The following HTR2C variants were observed in gnomAD, a reference collection of about 807,000 sequenced individuals.
The protein encoded by HTR2C is 5-hydroxytryptamine (serotonin) receptor 2C, G protein-coupled.
Under a neutral mutation model 21.0 loss-of-function variants are expected in HTR2C, and 5 were observed. That is an observed-to-expected ratio of 0.24 (90% confidence interval 0.12 to 0.50). The LOEUF is 0.50. Among genes scored for constraint, HTR2C ranks in the 20% least tolerant of loss-of-function variants. HTR2C has a pLI of 0.98. For missense variants in HTR2C, 271 were observed against 371.2 expected, an observed-to-expected ratio of 0.73 and a Z score of 2.22; for synonymous variants, 150 against 145.3, an observed-to-expected ratio of 1.03 and a Z score of -0.23.
intron 4 of HTR2C, among the ~76,000 whole-genome samples, chrX:114,798,139 C>A (rs947491277): frequency 9.0e-6 from 1 of 111,190 alleles, no homozygotes; most frequent in Non-Finnish European, 1.9e-5. Context: ...AAGACAATTA[C>A]TAGTTTATAC....
At chrX:114,767,690 AAT>A (rs1239258582) in intron 4 of HTR2C, among the ~76,000 whole-genome samples, 1 of 108,116 alleles carries the variant, frequency 9.2e-6, no homozygotes, top group Non-Finnish European at 1.9e-5. Flanking sequence ...AGGTATATAA[AAT>A]ATATATAATG....
intron 2 of HTR2C, chrX:114,639,492 G>T (rs1469530725): frequency 8.8e-6 from 1 of 113,013 alleles, no homozygotes; most frequent in Non-Finnish European, 1.9e-5. Context: ...GCAGGGAGGA[G>T]GCCATAGTGG....
chrX:114,633,798 T>G (rs782678002), intron 2 of HTR2C, among the ~76,000 whole-genome samples: 5 of 109,590 alleles, frequency 4.6e-5, no homozygotes, highest in African/African-American at 1.7e-4. Flanking sequence ...CACATATATG[T>G]GTGAATGTAC....
rs1314187105 is a variant in HTR2C at position 114,701,824 on chromosome X, C to T, written c.-79-25034C>T. 2.5e-4 allele frequency among the ~76,000 whole-genome samples: 28 copies of T among 111,349 alleles called. No individual in the cohort carries two copies. In the South Asian group the frequency reaches 2.6e-3, roughly 10 times the overall value. On this transcript the variant is annotated intron_variant, in intron 2 of 5. Coordinates refer to ENST00000276198, the MANE Select transcript of HTR2C (RefSeq NM_000868.4). ...TTAAAAACTTTGAAAAAAATTTAGACGAATGTATAACTAGAATAACCAATA... is the reference window on the plus strand; with the variant it reads ...TTAAAAACTTTGAAAAAAATTTAGATGAATGTATAACTAGAATAACCAATA...
chrX:114,649,986 A>G (rs1471119424), intron 2 of HTR2C, among the ~76,000 whole-genome samples: 2 of 111,827 alleles, frequency 1.8e-5, no homozygotes, highest in African/African-American at 6.5e-5. Flanking sequence ...GGTGAGGAGT[A>G]GGAAACATAG....
At chrX:114,705,822 TA>T (rs1433329969) in intron 2 of HTR2C, among the ~76,000 whole-genome samples, 1 of 76,856 alleles carries the variant, frequency 1.3e-5, no homozygotes, top group Non-Finnish European at 2.5e-5. Context: ...GACAAAGGGC[TA>T]ATATCCAGAA....
intron 5 of HTR2C, among the ~76,000 whole-genome samples, chrX:114,884,163 A>G (rs2071203269): frequency 9.0e-6 from 1 of 110,892 alleles, no homozygotes; most frequent in Non-Finnish European, 1.9e-5. Context: ...CAGTTTATTT[A>G]TTCATTTATT....
At chrX:114,791,997 C>G (rs1288809707) in intron 4 of HTR2C, among the ~76,000 whole-genome samples, 1 of 111,935 alleles carries the variant, frequency 8.9e-6, no homozygotes, top group African/African-American at 3.2e-5. Context: ...GCATTCAAAA[C>G]TCACTGTTCC....
chrX:114,642,768 T>A (rs782482668), intron 2 of HTR2C, among the ~76,000 whole-genome samples: 1 of 109,598 alleles, frequency 9.1e-6, no homozygotes, highest in Non-Finnish European at 1.9e-5. Context: ...ATCTTGTAAT[T>A]TAGGGCAGTG....
intron 2 of HTR2C, among the ~76,000 whole-genome samples, chrX:114,667,310 G>A (rs959743310): frequency 1.8e-5 from 2 of 110,417 alleles, no homozygotes; most frequent in Non-Finnish European, 3.8e-5. Context: ...GTTTCCCTGA[G>A]ACATCAAAAA....
intron 1 of HTR2C, among the ~76,000 whole-genome samples, chrX:114,607,035 T>G (rs781861025): frequency 3.7e-5 from 4 of 107,047 alleles, no homozygotes; most frequent in African/African-American, 7.2e-5. Flanking sequence ...GCCAGGATGA[T>G]CCAGGAAAAG....
intron 4 of HTR2C, among the ~76,000 whole-genome samples, chrX:114,846,038 C>A (rs994628930): frequency 9.1e-6 from 1 of 110,289 alleles, no homozygotes; most frequent in Non-Finnish European, 1.9e-5. Flanking sequence ...GATTATAAAA[C>A]AATACAATGA....
At chrX:114,775,864 A>G in intron 4 of HTR2C, 1 of 382,322 alleles carries the variant, frequency 2.6e-6, no homozygotes, top group South Asian at 3.6e-5. Flanking sequence ...ACAGGTCAGC[A>G]TTCAGTTCTT....
At chrX:114,801,350 G>C (rs2147426756) in intron 4 of HTR2C, among the ~76,000 whole-genome samples, 1 of 111,550 alleles carries the variant, frequency 9.0e-6, no homozygotes, top group East Asian at 2.8e-4. Context: ...TCATTCATTA[G>C]TTGCTATAGA....
At chrX:114,694,987 G>A (rs1315819764) in intron 2 of HTR2C, among the ~76,000 whole-genome samples, 4 of 111,917 alleles carry the variant, frequency 3.6e-5, no homozygotes, top group African/African-American at 1.3e-4. Flanking sequence ...AAGAGTTATT[G>A]ACAATTTGCC....
At chrX:114,692,702 A>G (rs1332386579) in intron 2 of HTR2C, among the ~76,000 whole-genome samples, 1 of 111,750 alleles carries the variant, frequency 8.9e-6, no homozygotes, top group Non-Finnish European at 1.9e-5. Context: ...TATAGGTATT[A>G]TAAGAATAAG....
intron 4 of HTR2C, among the ~76,000 whole-genome samples, chrX:114,732,058 A>T (rs2069542919): frequency 8.9e-6 from 1 of 111,778 alleles, no homozygotes; most frequent in African/African-American, 3.2e-5. Flanking sequence ...TTGACACAAA[A>T]CAGGCACTCA....
At chrX:114,741,943 AT>A (rs1319670528) in intron 4 of HTR2C, among the ~76,000 whole-genome samples, 3 of 110,499 alleles carry the variant, frequency 2.7e-5, no homozygotes, top group Non-Finnish European at 5.7e-5. Flanking sequence ...ACTTAGCTGC[AT>A]GGTGGTAGCC....
At chrX:114,651,720 T>C (rs1377135249) in intron 2 of HTR2C, 1 of 124,114 alleles carries the variant, frequency 8.1e-6, no homozygotes, top group Non-Finnish European at 1.9e-5. Flanking sequence ...GTTTACTAAC[T>C]ATGCTTCCAA....
Sources: gnomAD v4.1 joint callset for allele counts (sites outside exome capture counted in the v4.1 genomes callset) on GRCh38, gnomAD v4.1.1 for gene constraint, MANE v1.5 for transcripts, NCBI Gene and HGNC (gene_info 2026-07-23, HGNC 2026-07-21) for gene names.